CEP162: variants seen among roughly 807,000 people sequenced by gnomAD.
The protein encoded by CEP162 is centrosomal protein 162.
CEP162 carries 141 observed loss-of-function variants against 169.2 expected under a neutral mutation model. The observed-to-expected ratio is 0.83, with a 90% confidence interval of 0.73 to 0.96. The LOEUF (loss-of-function observed/expected upper bound fraction) is 0.96. Among genes scored for constraint, CEP162 ranks in the 40% least tolerant of loss-of-function variants. CEP162 has a pLI of 0.00. For synonymous variants in CEP162, 540 were observed against 526.4 expected, an observed-to-expected ratio of 1.03 and a Z score of -0.35; for missense variants, 1,600 against 1,587.2, an observed-to-expected ratio of 1.01 and a Z score of -0.14.
At position 84,174,847 on chromosome 6, in the gene CEP162, T is replaced by C; in HGVS notation, c.1905A>G (p.Gln635=). 3.3e-6 allele frequency: 5 copies of C among 1,517,536 alleles called. No individual in the cohort carries two copies. The highest frequency in any genetic ancestry group is 3.6e-6 in the Non-Finnish European group (4 of 1,112,780). The allele number at this position is 1,517,536 out of a possible 1,614,324, so 94.0% of individuals were successfully genotyped here. A position where few individuals can be genotyped will look rare whatever the true frequency, so the allele number is the denominator to read the frequency against. ...KWRGAQALIE[Q]IKATFSEKEK... is the part of the protein sequence containing the mutation. ...CCTTTTCTGAGAATGTGGCTTTAAT[T>C]TGCTCAATTAGGGCTTGCGCACCCC... The change falls in exon 15 of 27, where the codon CAA becomes CAG. Residue 635 remains glutamine, a synonymous_variant. Transcript: ENST00000403245.
intron 6 of CEP162, 127 bp from the exon 7 acceptor site, chr6:84,204,223 G>C: frequency 1.8e-6 from 1 of 558,724 alleles, no homozygotes. Context: ...GTAACATAAA[G>C]ATGTCTTTAG....
intron 6 of CEP162, among the ~76,000 whole-genome samples, chr6:84,211,452 G>A (rs990336198): frequency 9.3e-5 from 14 of 150,492 alleles, no homozygotes; most frequent in Non-Finnish European, 1.5e-4. Flanking sequence ...GCATGAGCCC[G>A]GGAGGCGGAG....
At chr6:84,169,946 A>G (rs1365517807) in intron 17 of CEP162, among the ~76,000 whole-genome samples, 1 of 152,188 alleles carries the variant, frequency 6.6e-6, no homozygotes, top group African/African-American at 2.4e-5. Flanking sequence ...CTAATGTACT[A>G]AAGAAACCAT....
chr6:84,209,935 C>T (rs777240762), intron 6 of CEP162, among the ~76,000 whole-genome samples: 44 of 151,780 alleles, frequency 2.9e-4, no homozygotes, highest in Middle Eastern at 3.4e-3. Context: ...AAATGAGAGA[C>T]GAGAAACAAA....
intron 5 of CEP162, among the ~76,000 whole-genome samples, chr6:84,214,975 CTTTA>C (rs1411683868): frequency 6.6e-6 from 1 of 152,098 alleles, no homozygotes. Flanking sequence ...CCTGGACTCT[CTTTA>C]TTTGTCTGTG....
intron 25 of CEP162, among the ~76,000 whole-genome samples, chr6:84,136,407 T>G (rs1251403372): frequency 6.6e-6 from 1 of 152,174 alleles, no homozygotes; most frequent in Admixed American, 6.5e-5. Context: ...AGAGAGGGAA[T>G]GAGAACCACT....
At chr6:84,134,919 T>TATACACACAC (rs1457258897) in intron 25 of CEP162, among the ~76,000 whole-genome samples, 4 of 148,372 alleles carry the variant, frequency 2.7e-5, no homozygotes, top group African/African-American at 7.4e-5. Flanking sequence ...AGATCATATA[T>TATACACACAC]ACACACACAC....
intron 25 of CEP162, among the ~76,000 whole-genome samples, chr6:84,128,200 T>A (rs978535980): frequency 1.3e-5 from 2 of 152,196 alleles, no homozygotes; most frequent in Admixed American, 1.3e-4. Flanking sequence ...GTAAATCACA[T>A]AAACTTAGAA....
chr6:84,182,737 A>G (rs924030011), intron 13 of CEP162, among the ~76,000 whole-genome samples: 3 of 152,184 alleles, frequency 2.0e-5, no homozygotes, highest in African/African-American at 4.8e-5. Flanking sequence ...ATTTTGCATC[A>G]GGAAAGACAA....
At chr6:84,160,285 C>A (rs1158392092) in intron 21 of CEP162, among the ~76,000 whole-genome samples, 2 of 152,114 alleles carry the variant, frequency 1.3e-5, no homozygotes, top group Non-Finnish European at 2.9e-5. Context: ...TTTTAATAAG[C>A]TTCACTTTAT....
Position 84,209,916 on chromosome 6 carries a change from C to T in CEP162, c.571+3041G>A, listed in dbSNP as rs570767371. 5.9e-5 allele frequency among the ~76,000 whole-genome samples: 9 copies of T among 152,122 alleles called. No individual in the cohort carries two copies. The East Asian group carries it at 1.7e-3, about 29-fold the overall frequency. Reference sequence around the variant, plus strand: ...GTAAGAAGGAAGTGTCATTAGTAGACACAGAGACAAATGAGAGACGAGAAA... The same window carrying T: ...GTAAGAAGGAAGTGTCATTAGTAGATACAGAGACAAATGAGAGACGAGAAA... On this transcript the variant is annotated intron_variant, in intron 6 of 26. Coordinates refer to ENST00000403245, the MANE Select transcript of CEP162 (RefSeq NM_014895.4).
At chr6:84,189,548 C>G (rs1588837156) in intron 11 of CEP162, among the ~76,000 whole-genome samples, 1 of 152,208 alleles carries the variant, frequency 6.6e-6, no homozygotes, top group Admixed American at 6.5e-5. Context: ...AGTCCCCCAG[C>G]AGTGCTGGCC....
At chr6:84,212,849 G>A in intron 6 of CEP162, 108 bp downstream of exon 6, 1 of 713,832 alleles carries the variant, frequency 1.4e-6, no homozygotes, top group Non-Finnish European at 2.3e-6. Flanking sequence ...TCTATTCAAA[G>A]CTCTGAGACA....
chr6:84,207,453 A>C (rs1003687426), intron 6 of CEP162, among the ~76,000 whole-genome samples: 14 of 151,952 alleles, frequency 9.2e-5, no homozygotes, highest in African/African-American at 3.1e-4. Flanking sequence ...CATTCTGAGC[A>C]AACTGTCGCA....
At chr6:84,226,309 A>C in intron 2 of CEP162, 28 bp downstream of exon 2, 1 of 1,426,010 alleles carries the variant, frequency 7.0e-7, no homozygotes, top group Non-Finnish European at 9.7e-7. Flanking sequence ...CAAATTTGAC[A>C]ATATAGCTTT....
At chr6:84,186,085 C>G (rs2099537014) in intron 12 of CEP162, among the ~76,000 whole-genome samples, 1 of 151,572 alleles carries the variant, frequency 6.6e-6, no homozygotes, top group African/African-American at 2.4e-5. Context: ...ATATTTTATT[C>G]AAAAAAAGGA....
chr6:84,194,800 GC>G (rs1217283577), intron 10 of CEP162, 83 bp downstream of exon 10: 13 of 1,096,072 alleles, frequency 1.2e-5, no homozygotes, highest in Non-Finnish European at 1.6e-5. Flanking sequence ...AATCACTACA[GC>G]AAATTGTATT....
Position 84,125,150 on chromosome 6 carries a change from C to G in CEP162, c.4132G>C (p.Asp1378His), listed in dbSNP as rs1428948168. Residue 1378 changes from aspartate (D) to histidine (H), a missense_variant, in exon 27 of 27, where the codon GAT (aspartate) becomes CAT (histidine). Transcript: ENST00000403245. ...TGCCGGTGCAGCTCTCGGAGAACAT[C>G]TAATATTGAGTCTAGTTCTGTGCGG... is the stretch of plus-strand genomic sequence containing the variant. Reference protein sequence around the residue: ...KFRTELDSILDVLRELHRQGV... With the variant: ...KFRTELDSILHVLRELHRQGV... The G allele has an allele frequency of 6.2e-7, 1 of 1,613,588 alleles. No individual in the cohort carries two copies. Among genetic ancestry groups the G allele is most frequent in the African/African-American group, 1.3e-5 (1 of 75,034 alleles).
chr6:84,187,702 G>A (rs16874307), intron 11 of CEP162, among the ~76,000 whole-genome samples: 13,876 of 152,136 alleles, frequency 0.091, 1,643 homozygotes, highest in African/African-American at 0.28. Flanking sequence ...CTGGAGAGAC[G>A]GCAGCCTATG....
Sources: gnomAD v4.1 joint callset for allele counts (sites outside exome capture counted in the v4.1 genomes callset) on GRCh38, gnomAD v4.1.1 for gene constraint, MANE v1.5 for transcripts, NCBI Gene and HGNC (gene_info 2026-07-23, HGNC 2026-07-21) for gene names.